The following MEIS1 variants were observed in gnomAD, a reference collection of about 807,000 sequenced individuals.
MEIS1 encodes the protein Meis homeobox 1.
In MEIS1, 5 loss-of-function variants were observed where a neutral mutation model predicts 50.8. The ratio of observed to expected loss-of-function variants is 0.10; its 90% CI spans 0.05 to 0.21. The LOEUF (loss-of-function observed/expected upper bound fraction) is 0.21. Among genes scored for constraint, MEIS1 ranks in the 10% least tolerant of loss-of-function variants. The pLI is 1.00. For missense variants in MEIS1, 318 were observed against 517.3 expected, an observed-to-expected ratio of 0.61 and a Z score of 3.74; for synonymous variants, 176 against 179.3, an observed-to-expected ratio of 0.98 and a Z score of 0.15.
intron 9 of MEIS1, among the ~76,000 whole-genome samples, chr2:66,550,018 G>T (rs1010221013): frequency 6.6e-6 from 1 of 152,068 alleles, no homozygotes; most frequent in African/African-American, 2.4e-5. Context: ...ATCACAATTC[G>T]ACTTTCTCAG....
At chr2:66,568,531 T>TA in intron 10 of MEIS1, 136 bp from the exon 11 acceptor site, 1 of 368,544 alleles carries the variant, frequency 2.7e-6, no homozygotes. Flanking sequence ...AAATTTCACT[T>TA]TGAATGTTTA....
intron 7 of MEIS1, among the ~76,000 whole-genome samples, chr2:66,501,315 ATTTCCATTTTAT>A (rs1323794593): frequency 6.6e-6 from 1 of 151,984 alleles, no homozygotes; most frequent in Non-Finnish European, 1.5e-5. Flanking sequence ...AGATTGGGGG[ATTTCCATTTTAT>A]TTTACCAATA....
chr2:66,542,156 G>C (rs565411948), intron 8 of MEIS1, among the ~76,000 whole-genome samples: 1 of 152,266 alleles, frequency 6.6e-6, no homozygotes, highest in Non-Finnish European at 1.5e-5. Context: ...TTTCTGCTTA[G>C]TCTCTTAGAG....
chr2:66,559,690 T>C (rs1444743819), intron 9 of MEIS1, among the ~76,000 whole-genome samples: 1 of 152,198 alleles, frequency 6.6e-6, no homozygotes, highest in Non-Finnish European at 1.5e-5. Context: ...ATTGTGCTAA[T>C]AATCATTTTA....
chr2:66,567,042 G>C (rs1675366273), intron 9 of MEIS1, among the ~76,000 whole-genome samples: 1 of 152,142 alleles, frequency 6.6e-6, no homozygotes, highest in African/African-American at 2.4e-5. Context: ...AAAGAAGTCA[G>C]AGAACATAAG....
At chr2:66,473,378 C>CAAAAAAA (rs71409174) in intron 7 of MEIS1, among the ~76,000 whole-genome samples, 1 of 53,930 alleles carries the variant, frequency 1.9e-5, no homozygotes, top group Non-Finnish European at 3.0e-5. Flanking sequence ...GACTCCATGT[C>CAAAAAAA]AAAAAAAAAA....
chr2:66,464,273 A>G, intron 7 of MEIS1, 53 bp downstream of exon 7: 2 of 1,401,014 alleles, frequency 1.4e-6, no homozygotes, highest in Non-Finnish European at 9.9e-7. Flanking sequence ...AAGGATTGAA[A>G]AATCAGAAAT....
intron 2 of MEIS1, 143 bp from the exon 3 acceptor site, chr2:66,439,700 G>C (rs767951865): frequency 6.5e-7 from 1 of 1,545,672 alleles, no homozygotes; most frequent in Non-Finnish European, 8.7e-7. Flanking sequence ...CTGGGGGAGG[G>C]GGAGGAAAAG....
chr2:66,535,339 A>C (rs1674492153), intron 8 of MEIS1, among the ~76,000 whole-genome samples: 2 of 150,302 alleles, frequency 1.3e-5, no homozygotes, highest in South Asian at 4.2e-4. Flanking sequence ...GAAAATGTAA[A>C]GCTATATACA....
At chr2:66,525,454 A>G (rs984702814) in intron 8 of MEIS1, among the ~76,000 whole-genome samples, 2 of 152,162 alleles carry the variant, frequency 1.3e-5, no homozygotes, top group Non-Finnish European at 2.9e-5. Context: ...AAATGGAAAG[A>G]TGATTGTTTT....
At chr2:66,488,055 A>G (rs1242608692) in intron 7 of MEIS1, among the ~76,000 whole-genome samples, 1 of 152,372 alleles carries the variant, frequency 6.6e-6, no homozygotes, top group East Asian at 1.9e-4. Context: ...TTTGCATACA[A>G]ATATGGCTGA....
intron 8 of MEIS1, among the ~76,000 whole-genome samples, chr2:66,545,945 GGA>G (rs1674779234): frequency 6.6e-6 from 1 of 152,182 alleles, no homozygotes; most frequent in African/African-American, 2.4e-5. Flanking sequence ...GCATCTGAGT[GGA>G]GAGTGTCTGT....
Position 66,495,080 on chromosome 2 carries a change from C to CTTTTTTT in MEIS1, c.743-17047_743-17041dup, listed in dbSNP as rs70943701. 2.2e-4 allele frequency among the ~76,000 whole-genome samples: 20 copies of CTTTTTTT among 91,490 alleles called. 9 individuals carry two copies. The highest frequency in any genetic ancestry group is 1.3e-4 in the African/African-American group (3 of 23,532). The allele number at this position is 91,490 out of a possible 152,430, so 60.0% of individuals were successfully genotyped here. On this transcript the variant is annotated intron_variant, in intron 7 of 12. Transcript: ENST00000272369. Reference sequence around the variant, plus strand: ...GAATGCCCACTTTCCCTCTTCTGACCTTTTTTTTTTTTTTTTTTTTTTTTT... The same window carrying CTTTTTTT: ...GAATGCCCACTTTCCCTCTTCTGACCTTTTTTTTTTTTTTTTTTTTTTTTTTTTTTTT...
chr2:66,540,429 C>T (rs149906556), intron 8 of MEIS1, among the ~76,000 whole-genome samples: 26 of 152,212 alleles, frequency 1.7e-4, no homozygotes, highest in African/African-American at 5.8e-4. Flanking sequence ...CCTGCCTCAG[C>T]CTGCCGAGTA....
chr2:66,533,260 C>T (rs1674437700), intron 8 of MEIS1, among the ~76,000 whole-genome samples: 1 of 152,210 alleles, frequency 6.6e-6, no homozygotes, highest in Non-Finnish European at 1.5e-5. Context: ...AGGCTCTCAA[C>T]ATTCCTAAGT....
At chr2:66,492,025 A>G (rs956668297) in intron 7 of MEIS1, among the ~76,000 whole-genome samples, 50 of 151,126 alleles carry the variant, frequency 3.3e-4, no homozygotes, top group African/African-American at 1.2e-3. Context: ...ATTAAAATTT[A>G]TGGAACAGTA....
intron 8 of MEIS1, among the ~76,000 whole-genome samples, chr2:66,530,813 G>A (rs1368076878): frequency 6.6e-6 from 1 of 152,190 alleles, no homozygotes; most frequent in Non-Finnish European, 1.5e-5. Context: ...ACTCAAGATT[G>A]CATTAAAGGT....
Position 66,571,392 on chromosome 2 carries a change from C to A in MEIS1, c.*184C>A, listed in dbSNP as rs770047990. ...CCCCATGCATACGTACATTCCTGGA[C>A]ACCCTCACCACCCAACAGTGATGAT... is the stretch of plus-strand genomic sequence containing the variant. On this transcript the variant is annotated 3_prime_UTR_variant, in exon 13 of 13. Transcript: ENST00000272369. The A allele has an allele frequency of 1.2e-5, 19 of 1,603,978 alleles. No individual in the cohort carries two copies. Among genetic ancestry groups the A allele is most frequent in the Non-Finnish European group, 1.6e-5 (19 of 1,175,546 alleles).
At chr2:66,476,027 T>A (rs897056277) in intron 7 of MEIS1, among the ~76,000 whole-genome samples, 4 of 152,216 alleles carry the variant, frequency 2.6e-5, no homozygotes, top group Non-Finnish European at 4.4e-5. Flanking sequence ...CGCCTCATTC[T>A]CCAGTCTTTT....
Sources: gnomAD v4.1 joint callset for allele counts (sites outside exome capture counted in the v4.1 genomes callset) on GRCh38, gnomAD v4.1.1 for gene constraint, MANE v1.5 for transcripts, NCBI Gene and HGNC (gene_info 2026-07-23, HGNC 2026-07-21) for gene names.